Variants in IFNGR2 observed in about 807,000 individuals in gnomAD.
IFNGR2 encodes IFN-gamma receptor 2.
In IFNGR2, 15 loss-of-function variants were observed where a neutral mutation model predicts 41.1. The ratio of observed to expected loss-of-function variants is 0.37; its 90% confidence interval spans 0.24 to 0.56. IFNGR2 has a LOEUF of 0.56. Among genes scored for constraint, IFNGR2 ranks in the 20% least tolerant of loss-of-function variants. IFNGR2 has a pLI of 0.81. For missense variants in IFNGR2, 362 were observed against 415.7 expected (o/e 0.87, Z 1.12); for synonymous variants, 161 against 171.6 (o/e 0.94, Z 0.48).
At chr21:33,420,220 G>A (rs1288188889) in intron 2 of IFNGR2, among the ~76,000 whole-genome samples, 2 of 152,180 alleles carry the variant, frequency 1.3e-5, no homozygotes, top group African/African-American at 4.8e-5. Context: ...CGTGAAAGCC[G>A]GTGGTCGTGG....
In IFNGR2 at chr21:33,432,256, C is replaced by T. The variant is rs1201102411; in HGVS notation, c.641C>T (p.Ala214Val). The T allele has an allele frequency of 6.2e-7, 1 of 1,613,742 alleles. No individual in the cohort carries two copies. Among genetic ancestry groups the T allele is most frequent in the Non-Finnish European group, 8.5e-7 (1 of 1,179,608 alleles). ...AGAGTGTACTGTTTACAAGTCCAGG[C>T]ACAACTGCTTTGGAACAAAAGTAAC... Reference protein sequence around the residue: ...PSRVYCLQVQAQLLWNKSNIF... With the variant: ...PSRVYCLQVQVQLLWNKSNIF... Residue 214 changes from alanine (A) to valine (V), a missense_variant, in exon 5 of 7, where the codon GCA becomes GTA. Ala to Val is a moderately conservative substitution (Grantham distance 64). Coordinates refer to ENST00000290219, the MANE Select transcript of IFNGR2 (RefSeq NM_005534.4).
At chr21:33,429,413 A>G (rs1322296874) in intron 4 of IFNGR2, among the ~76,000 whole-genome samples, 1 of 152,116 alleles carries the variant, frequency 6.6e-6, no homozygotes, top group East Asian at 1.9e-4. Flanking sequence ...ATCTCGGCTC[A>G]CGGGTTCAAG....
intron 1 of IFNGR2, among the ~76,000 whole-genome samples, chr21:33,410,470 C>CA (rs1003000848): frequency 3.5e-5 from 5 of 141,100 alleles, no homozygotes; most frequent in African/African-American, 1.3e-4. Context: ...CAGCCTACAA[C>CA]AATTTTTTTT....
chr21:33,418,740 A>AT (rs879388890), intron 2 of IFNGR2, among the ~76,000 whole-genome samples: 354 of 150,768 alleles, frequency 2.3e-3, no homozygotes, highest in Non-Finnish European at 3.9e-3. Flanking sequence ...CCAGTGTTTA[A>AT]TTTTTTTTTT....
chr21:33,421,790 G>A, intron 3 of IFNGR2, 105 bp downstream of exon 3: 1 of 889,088 alleles, frequency 1.1e-6, no homozygotes, highest in Non-Finnish European at 1.9e-6. Context: ...TAAATGACCA[G>A]CAGACAAATG....
chr21:33,411,500 T>C (rs1487012611), intron 1 of IFNGR2: 1 of 471,046 alleles, frequency 2.1e-6, no homozygotes, highest in East Asian at 6.9e-5. Flanking sequence ...CCCAAAGATG[T>C]CCACGCCCTC....
upstream of IFNGR2, chr21:33,403,199 C>G (rs1217552106): frequency 6.5e-6 from 1 of 152,996 alleles, no homozygotes; most frequent in African/African-American, 2.4e-5. Flanking sequence ...GTGGGCGTCC[C>G]GCGGGGCTCC....
At chr21:33,414,178 C>T (rs2083736537) in intron 1 of IFNGR2, among the ~76,000 whole-genome samples, 1 of 152,100 alleles carries the variant, frequency 6.6e-6, no homozygotes, top group Admixed American at 6.6e-5. Context: ...AGCTGGAAAG[C>T]TTGTTTAAAA....
Position 33,413,872 on chromosome 21 carries a change from G to T in IFNGR2, c.74-1016G>T, listed in dbSNP as rs1376028763. ...TTTGGAGACAGAGTCTCTCTCTGTC[G>T]CCCAGACTGGAGTGCAATGGTGCGA... On this transcript the variant is annotated intron_variant, in intron 1 of 6. Transcript: ENST00000290219. 4.2e-5 allele frequency among the ~76,000 whole-genome samples: 5 copies of T among 118,820 alleles called. No homozygotes were observed. The East Asian group carries it at 1.3e-3, about 31-fold the overall frequency. 78.0% of individuals were successfully genotyped at this position (118,820 alleles called of 152,430 possible).
At chr21:33,435,851 T>C (rs2083941159) in intron 6 of IFNGR2, among the ~76,000 whole-genome samples, 1 of 113,956 alleles carries the variant, frequency 8.8e-6, no homozygotes, top group Admixed American at 1.3e-4. Context: ...GCCACTGCAC[T>C]CCAGCCTGGC....
intron 3 of IFNGR2, among the ~76,000 whole-genome samples, chr21:33,422,751 C>G (rs2083803381): frequency 6.6e-6 from 1 of 151,666 alleles, no homozygotes; most frequent in Non-Finnish European, 1.5e-5. Context: ...GTGGTGCATA[C>G]CTGTAATCCC....
Position 33,403,547 on chromosome 21 carries a change from C to A in IFNGR2, c.4C>A (p.Arg2=). ...CCGCCGCCGAGCGCCCGGGGCCATG[C>A]GACCGACGCTGCTGTGGTCGCTGCT... M[R]PTLLWSLLLL... The change falls in exon 1 of 7, where the codon CGA becomes AGA. Residue 2 remains arginine, a synonymous_variant. Transcript: ENST00000290219. 7.6e-7 allele frequency: 1 copy of A among 1,321,628 alleles called. No homozygotes were observed. The highest frequency in any genetic ancestry group is 9.7e-7 in the Non-Finnish European group (1 of 1,028,984). 81.9% of individuals were successfully genotyped at this position (1,321,628 alleles called of 1,614,324 possible). A position where few individuals can be genotyped will look rare whatever the true frequency, so the allele number is the denominator to read the frequency against.
intron 2 of IFNGR2, among the ~76,000 whole-genome samples, chr21:33,418,126 G>T (rs184773227): frequency 4.6e-5 from 7 of 152,136 alleles, no homozygotes; most frequent in Admixed American, 3.3e-4. Context: ...TGCAACCTGC[G>T]GCTCACTGCA....
intron 2 of IFNGR2, among the ~76,000 whole-genome samples, chr21:33,416,432 A>T (rs2300373): frequency 0.17 from 26,595 of 152,092 alleles, 2,711 homozygotes; most frequent in East Asian, 0.42. Context: ...ACTTAAAAAA[A>T]TTTTTTATTC....
chr21:33,431,644 T>C (rs2083888912), intron 4 of IFNGR2, among the ~76,000 whole-genome samples: 1 of 152,218 alleles, frequency 6.6e-6, no homozygotes. Context: ...CAATCTCAGC[T>C]CACTGCACCC....
intron 4 of IFNGR2, among the ~76,000 whole-genome samples, chr21:33,431,742 T>G (rs1451581014): frequency 3.6e-4 from 55 of 152,288 alleles, no homozygotes; most frequent in Non-Finnish European, 1.5e-5. Flanking sequence ...AGCTAATTTT[T>G]GTACTTTTAG....
At chr21:33,418,732 A>T (rs1218550631) in intron 2 of IFNGR2, among the ~76,000 whole-genome samples, 3 of 152,176 alleles carry the variant, frequency 2.0e-5, no homozygotes, top group African/African-American at 4.8e-5. Context: ...TTTGGCTCCC[A>T]GTGTTTAATT....
chr21:33,435,181 G>C (rs2083932983), intron 6 of IFNGR2, among the ~76,000 whole-genome samples: 1 of 152,182 alleles, frequency 6.6e-6, no homozygotes, highest in Admixed American at 6.6e-5. Context: ...GGGAGCAAAA[G>C]GGAAATTAAT....
chr21:33,429,130 G>A (rs949122705), intron 4 of IFNGR2, among the ~76,000 whole-genome samples: 3 of 152,222 alleles, frequency 2.0e-5, no homozygotes, highest in Non-Finnish European at 4.4e-5. Flanking sequence ...TGGAGCCTGT[G>A]AAGAGGAGCA....
Sources: allele counts gnomAD v4.1 joint callset (sites outside exome capture counted in the v4.1 genomes callset), GRCh38; gene constraint gnomAD v4.1.1; transcripts MANE v1.5; gene names NCBI Gene and HGNC (gene_info 2026-07-23, HGNC 2026-07-21).